GPR158: variants seen among roughly 807,000 people sequenced by gnomAD.
The protein encoded by GPR158 is G protein-coupled receptor 158.
A neutral mutation model predicts 78.2 loss-of-function variants in GPR158; 30 were observed. The observed-to-expected ratio is 0.38, with a 90% CI of 0.29 to 0.52. The LOEUF (loss-of-function observed/expected upper bound fraction) is 0.52. GPR158 is among the 20% of genes least tolerant of loss of function. The pLI is 0.83. For synonymous variants in GPR158, 581 were observed against 591.1 expected, an observed-to-expected ratio of 0.98 and a Z score of 0.25; for missense variants, 1,463 against 1,523.5, an observed-to-expected ratio of 0.96 and a Z score of 0.66.
At chr10:25,333,393 G>C (rs927040563) in intron 2 of GPR158, among the ~76,000 whole-genome samples, 4 of 152,062 alleles carry the variant, frequency 2.6e-5, no homozygotes, top group Non-Finnish European at 4.4e-5. Context: ...TATCCCAGTG[G>C]TTCTTAAATA....
chr10:25,325,988 G>C (rs1395719296), intron 2 of GPR158, among the ~76,000 whole-genome samples: 3 of 151,826 alleles, frequency 2.0e-5, no homozygotes, highest in Non-Finnish European at 4.4e-5. Context: ...ACACGTGCAG[G>C]ATGTACACAT....
In GPR158 at chr10:25,594,364, G is replaced by C. The variant is rs2130752354; in HGVS notation, c.1965G>C (p.Val655=). 1.9e-6 allele frequency: 3 copies of C among 1,577,514 alleles called. No homozygotes were observed. Among genetic ancestry groups the C allele is most frequent in the Non-Finnish European group, 2.6e-6 (3 of 1,148,766 alleles). ...MLYFAHTHLT[V]TVTIGLLLIP... ...ATTTTGCACATACTCATTTGACTGTGACAGTCACCATTGGGTTGCTTTTGA... is the reference window on the plus strand; with the variant it reads ...ATTTTGCACATACTCATTTGACTGTCACAGTCACCATTGGGTTGCTTTTGA... Residue 655 remains valine, a synonymous_variant, in exon 9 of 11, where the codon GTG becomes GTC. Coordinates refer to ENST00000376351, the MANE Select transcript of GPR158 (RefSeq NM_020752.3).
At chr10:25,519,281 T>C (rs1379001077) in intron 5 of GPR158, among the ~76,000 whole-genome samples, 2 of 141,844 alleles carry the variant, frequency 1.4e-5, no homozygotes, top group African/African-American at 2.8e-5. Context: ...GCACGTGAGA[T>C]GGGTTTCCTG....
intron 7 of GPR158, among the ~76,000 whole-genome samples, chr10:25,580,035 C>CTGAT (rs1837167230): frequency 6.6e-6 from 1 of 152,194 alleles, no homozygotes; most frequent in Non-Finnish European, 1.5e-5. Flanking sequence ...TGAAAGTCCA[C>CTGAT]TGATACATGA....
At chr10:25,414,979 T>C (rs1834640345) in intron 4 of GPR158, among the ~76,000 whole-genome samples, 1 of 152,102 alleles carries the variant, frequency 6.6e-6, no homozygotes, top group African/African-American at 2.4e-5. Context: ...ATTGTCTAGC[T>C]TTCTCCTCTG....
chr10:25,503,732 C>T (rs1340039058), intron 5 of GPR158, among the ~76,000 whole-genome samples: 1 of 152,122 alleles, frequency 6.6e-6, no homozygotes, highest in African/African-American at 2.4e-5. Flanking sequence ...TATGATGTTG[C>T]TTCCTCAGAA....
At chr10:25,355,641 G>T (rs113809792) in intron 2 of GPR158, among the ~76,000 whole-genome samples, 2,002 of 152,086 alleles carry the variant, frequency 0.013, 39 homozygotes, top group African/African-American at 0.046. Context: ...GCATATTTTG[G>T]TTTTTATTGG....
At chr10:25,535,984 C>G (rs1836495416) in intron 5 of GPR158, among the ~76,000 whole-genome samples, 1 of 152,116 alleles carries the variant, frequency 6.6e-6, no homozygotes, top group Non-Finnish European at 1.5e-5. Flanking sequence ...CACTGTGTCC[C>G]CACTAAACTG....
At chr10:25,587,650 C>A (rs1474090004) in intron 7 of GPR158, among the ~76,000 whole-genome samples, 1 of 152,160 alleles carries the variant, frequency 6.6e-6, no homozygotes, top group Non-Finnish European at 1.5e-5. Context: ...ACATTCATAG[C>A]ATGGCCAAGG....
rs762550852 is a variant in GPR158 at position 25,395,925 on chromosome 10, A to T, written c.1023A>T (p.Lys341Asn). The T allele has an allele frequency of 2.1e-5, 33 of 1,583,650 alleles. No homozygotes were observed. Among genetic ancestry groups the T allele is most frequent in the Non-Finnish European group, 2.8e-5 (32 of 1,152,530 alleles). The change falls in exon 3 of 11, where the codon AAA becomes AAT. Residue 341 changes from lysine (K) to asparagine (N), a missense_variant. By Grantham distance (94) the Lys-to-Asn change is moderately conservative. Transcript: ENST00000376351. ...HLNNSECMPI[K>N]GLGFVLGAYE... is the part of the protein sequence containing the mutation. ...CTTCTTCATAGTGTATGCCAATTAA[A>T]GGCCTAGGATTCGTTCTTGGAGCCT...
chr10:25,408,599 A>C (rs1337504704), intron 3 of GPR158, among the ~76,000 whole-genome samples: 2 of 152,022 alleles, frequency 1.3e-5, no homozygotes, highest in Non-Finnish European at 2.9e-5. Context: ...CAGTGAAATG[A>C]CTCTGACTTC....
chr10:25,215,100 G>T (rs1853190015), intron 1 of GPR158, among the ~76,000 whole-genome samples: 1 of 152,102 alleles, frequency 6.6e-6, no homozygotes, highest in African/African-American at 2.4e-5. Context: ...TAGCCAAAAG[G>T]GGGAAGGAAC....
At chr10:25,565,394 G>T (rs1351238368) in intron 6 of GPR158, among the ~76,000 whole-genome samples, 1 of 152,142 alleles carries the variant, frequency 6.6e-6, no homozygotes, top group Non-Finnish European at 1.5e-5. Context: ...GGATAAATGG[G>T]ATTTGAATCA....
chr10:25,275,969 AGCT>A (rs1313299073), intron 2 of GPR158, among the ~76,000 whole-genome samples: 3 of 152,180 alleles, frequency 2.0e-5, no homozygotes, highest in Non-Finnish European at 4.4e-5. Flanking sequence ...ATTGTTTTGT[AGCT>A]TGTACATCAT....
chr10:25,256,590 C>A (rs778770342), intron 2 of GPR158, among the ~76,000 whole-genome samples: 1 of 129,374 alleles, frequency 7.7e-6, no homozygotes, highest in East Asian at 3.5e-4. Context: ...GAGGCTGAGG[C>A]GGTAGGAGTG....
At chr10:25,596,912 G>A in intron 10 of GPR158, 123 bp downstream of exon 10, 2 of 768,816 alleles carry the variant, frequency 2.6e-6, no homozygotes, top group Non-Finnish European at 4.3e-6. Context: ...GTATGTCTCA[G>A]AAAGAGGGAA....
chr10:25,376,400 T>C (rs1355303318), intron 2 of GPR158, among the ~76,000 whole-genome samples: 1 of 151,650 alleles, frequency 6.6e-6, no homozygotes, highest in Non-Finnish European at 1.5e-5. Flanking sequence ...GCTTTGTATA[T>C]ACAGTTTTAC....
At position 25,220,760 on chromosome 10, in the gene GPR158, T is replaced by A. The variant is rs540598193; in HGVS notation, c.903-292T>A. ...ACATTTTCTGCCATGTCTAGAGCAA[T>A]ATTGTCCTGGAGTTCAGGCAATCAA... On this transcript the variant is annotated intron_variant, in intron 1 of 10. Coordinates refer to ENST00000376351, the MANE Select transcript of GPR158 (RefSeq NM_020752.3). Among the ~76,000 whole-genome samples the A allele has an allele frequency of 3.9e-5, 6 of 152,306 alleles. No individual in the cohort carries two copies. The East Asian group carries it at 1.2e-3, about 29-fold the overall frequency.
intron 2 of GPR158, among the ~76,000 whole-genome samples, chr10:25,388,927 C>T (rs1834257033): frequency 6.6e-6 from 1 of 152,218 alleles, no homozygotes; most frequent in Non-Finnish European, 1.5e-5. Context: ...TGCAACCTGA[C>T]AGGGTGTGTG....
Sources: allele counts gnomAD v4.1 joint callset (sites outside exome capture counted in the v4.1 genomes callset), GRCh38; gene constraint gnomAD v4.1.1; transcripts MANE v1.5; gene names NCBI Gene and HGNC (gene_info 2026-07-23, HGNC 2026-07-21).